CSMD3: variants seen among roughly 807,000 people sequenced by gnomAD.
CSMD3 encodes CUB and sushi domain-containing protein 3.
A neutral mutation model predicts 435.2 loss-of-function variants in CSMD3; 177 were observed. That is an observed-to-expected ratio of 0.41 (90% CI 0.36 to 0.46). CSMD3 has a LOEUF of 0.46. Ranked by LOEUF, CSMD3 falls within the 20% of genes least tolerant of loss-of-function variation. The pLI is 0.34. For missense variants in CSMD3, 4,265 were observed against 4,504.6 expected (o/e 0.95, Z 1.52); for synonymous variants, 1,656 against 1,520.5 (o/e 1.09, Z -2.07).
chr8:113,056,861 G>C (rs1305337664), intron 5 of CSMD3, among the ~76,000 whole-genome samples: 2 of 152,138 alleles, frequency 1.3e-5, no homozygotes, highest in African/African-American at 4.8e-5. Context: ...CTCAAACTTG[G>C]AATGAAATTT....
intron 5 of CSMD3, among the ~76,000 whole-genome samples, chr8:113,031,869 T>C (rs954567273): frequency 1.3e-5 from 2 of 151,424 alleles, no homozygotes; most frequent in Non-Finnish European, 3.0e-5. Flanking sequence ...GTGGAAGTGA[T>C]TGGATTATGG....
chr8:112,621,064 T>C (rs1834032223), intron 22 of CSMD3, among the ~76,000 whole-genome samples: 1 of 151,864 alleles, frequency 6.6e-6, no homozygotes, highest in Non-Finnish European at 1.5e-5. Flanking sequence ...GGAGAAACCC[T>C]GCCTCTACTA....
At chr8:112,657,694 T>A (rs2131668138) in intron 17 of CSMD3, among the ~76,000 whole-genome samples, 1 of 152,328 alleles carries the variant, frequency 6.6e-6, no homozygotes, top group East Asian at 1.9e-4. Flanking sequence ...TAAAATATTT[T>A]TCCCTTGCCT....
intron 59 of CSMD3, among the ~76,000 whole-genome samples, chr8:112,274,254 A>AATGGAC: frequency 6.6e-6 from 1 of 152,292 alleles, no homozygotes; most frequent in Middle Eastern, 3.4e-3. Context: ...ATTTCAAAAC[A>AATGGAC]ATGGACATTA....
chr8:112,838,491 G>T (rs1428922711), intron 11 of CSMD3, among the ~76,000 whole-genome samples: 3 of 151,716 alleles, frequency 2.0e-5, no homozygotes, highest in African/African-American at 7.3e-5. Context: ...CTTGGACTGT[G>T]GAAGTAGGGA....
intron 36 of CSMD3, among the ~76,000 whole-genome samples, chr8:112,386,647 G>A (rs1398501437): frequency 1.3e-5 from 2 of 152,068 alleles, no homozygotes; most frequent in Admixed American, 6.6e-5. Flanking sequence ...ACAGGCGCCC[G>A]CCACCACGCC....
At chr8:112,681,974 T>C (rs2075907153) in intron 16 of CSMD3, among the ~76,000 whole-genome samples, 1 of 152,156 alleles carries the variant, frequency 6.6e-6, no homozygotes, top group East Asian at 1.9e-4. Context: ...CTGAAAAAAA[T>C]TAGCAAATGA....
intron 45 of CSMD3, among the ~76,000 whole-genome samples, chr8:112,327,724 G>A (rs940646542): frequency 1.3e-5 from 2 of 152,066 alleles, no homozygotes; most frequent in Non-Finnish European, 2.9e-5. Context: ...TGAGAGCATC[G>A]TATTCCACAT....
At chr8:112,410,650 G>GTGTATATATATATA (rs1832303455) in intron 32 of CSMD3, among the ~76,000 whole-genome samples, 1 of 73,842 alleles carries the variant, frequency 1.4e-5, no homozygotes, top group Non-Finnish European at 3.1e-5. Flanking sequence ...ATATATATAT[G>GTGTATATATATATA]TGTATATATA....
At chr8:113,134,076 T>C (rs901751260) in intron 4 of CSMD3, among the ~76,000 whole-genome samples, 1 of 152,084 alleles carries the variant, frequency 6.6e-6, no homozygotes, top group Non-Finnish European at 1.5e-5. Context: ...TTGAACAAAA[T>C]GTCAAGGAGG....
At chr8:112,528,932 C>A (rs534140833) in intron 27 of CSMD3, among the ~76,000 whole-genome samples, 1 of 152,122 alleles carries the variant, frequency 6.6e-6, no homozygotes, top group African/African-American at 2.4e-5. Context: ...CTGATGGGAC[C>A]AGCGCAGTAC....
At chr8:112,501,023 C>G (rs1245040275) in intron 30 of CSMD3, among the ~76,000 whole-genome samples, 2 of 152,094 alleles carry the variant, frequency 1.3e-5, no homozygotes, top group Non-Finnish European at 2.9e-5. Flanking sequence ...CCTATAAAAT[C>G]TGACGCAGTC....
intron 3 of CSMD3, among the ~76,000 whole-genome samples, chr8:113,206,418 T>TA (rs1243123848): frequency 6.6e-6 from 1 of 152,176 alleles, no homozygotes; most frequent in East Asian, 1.9e-4. Context: ...AATGTTACCT[T>TA]ATCACATCCT....
At chr8:112,627,755 T>A (rs1170007051) in intron 22 of CSMD3, among the ~76,000 whole-genome samples, 1 of 152,148 alleles carries the variant, frequency 6.6e-6, no homozygotes, top group Non-Finnish European at 1.5e-5. Flanking sequence ...AATCACCATA[T>A]AGATAGGTCA....
chr8:113,053,008 C>T (rs769991897), intron 5 of CSMD3, among the ~76,000 whole-genome samples: 2 of 152,084 alleles, frequency 1.3e-5, no homozygotes, highest in African/African-American at 2.4e-5. Flanking sequence ...CATTTAGTAG[C>T]ACTTCTGATA....
intron 16 of CSMD3, among the ~76,000 whole-genome samples, chr8:112,682,049 G>C (rs1191797574): frequency 6.6e-6 from 1 of 151,458 alleles, no homozygotes; most frequent in African/African-American, 2.4e-5. Context: ...TATTATAATT[G>C]ATCATTATTA....
intron 3 of CSMD3, among the ~76,000 whole-genome samples, chr8:113,233,988 C>G (rs2093119820): frequency 6.6e-6 from 1 of 152,062 alleles, no homozygotes; most frequent in Admixed American, 6.6e-5. Flanking sequence ...GTAGATCTTT[C>G]CAAGCTAAGG....
At position 112,452,705 on chromosome 8, in the gene CSMD3, C is replaced by T. The variant is rs376402445; in HGVS notation, c.5395+19886G>A. Among the ~76,000 whole-genome samples the T allele has an allele frequency of 3.3e-5, 5 of 152,290 alleles. No homozygotes were observed. In the East Asian group the frequency reaches 7.7e-4, roughly 24 times the overall value. On this transcript the variant is annotated intron_variant, in intron 32 of 70. Transcript: ENST00000297405. The stretch of plus-strand genomic sequence containing the variant: ...TGGATTATTTGATTACATCACTCAT[C>T]TGTTGCTTATTTAAATAATGCATTT...
chr8:113,405,602 C>A (rs1433880352), intron 1 of CSMD3, among the ~76,000 whole-genome samples: 1 of 151,518 alleles, frequency 6.6e-6, no homozygotes, highest in Non-Finnish European at 1.5e-5. Context: ...TGAAAGTTTA[C>A]CTGTAAACGG....
Sources: gnomAD v4.1 joint callset for allele counts (sites outside exome capture counted in the v4.1 genomes callset) on GRCh38, gnomAD v4.1.1 for gene constraint, MANE v1.5 for transcripts, NCBI Gene and HGNC (gene_info 2026-07-23, HGNC 2026-07-21) for gene names.